Variants in SLC41A3 observed in about 807,000 individuals in gnomAD.
SLC41A3 encodes the protein SLC41A1-like 2.
A neutral mutation model predicts 45.4 loss-of-function variants in SLC41A3; 44 were observed. The ratio of observed to expected loss-of-function variants is 0.97; its 90% CI spans 0.76 to 1.25. The LOEUF is 1.25. Among genes scored for constraint, SLC41A3 ranks in the 50% most tolerant of loss-of-function variants. SLC41A3 has a pLI of 0.00. For missense variants in SLC41A3, 550 were observed against 600.6 expected, an observed-to-expected ratio of 0.92 and a Z score of 0.88; for synonymous variants, 256 against 252.4, an observed-to-expected ratio of 1.01 and a Z score of -0.13.
intron 3 of SLC41A3, among the ~76,000 whole-genome samples, chr3:126,043,363 A>G (rs1942717699): frequency 6.6e-6 from 1 of 152,186 alleles, no homozygotes; most frequent in Non-Finnish European, 1.5e-5. Context: ...GGAGTTCATT[A>G]TTACTAGATC....
rs1324196194 is a variant in SLC41A3, at chr3:126,068,042, C to T, written c.178G>A (p.Glu60Lys). The T allele has an allele frequency of 2.5e-6, 4 of 1,613,790 alleles. No individual in the cohort carries two copies. The highest frequency in any genetic ancestry group is 3.4e-6 in the Non-Finnish European group (4 of 1,179,972). The part of the protein sequence containing the change: ...PKPLETEPSR[E>K]TTWSIGLQVT... ...TGAAGGCCTATGGACCAGGTGGTCTCCCTGCTAGGCTCAGTCTCCAGTGGC... is the reference window on the plus strand; with the variant it reads ...TGAAGGCCTATGGACCAGGTGGTCTTCCTGCTAGGCTCAGTCTCCAGTGGC... The change falls in exon 2 of 11, where the codon GAG (glutamate) becomes AAG (lysine). Residue 60 changes from glutamate to lysine, a missense_variant. Physicochemically the swap from Glu to Lys is moderately conservative, Grantham distance 56. Coordinates refer to ENST00000360370, the MANE Select transcript of SLC41A3 (RefSeq NM_017836.4).
At position 126,061,164 on chromosome 3, in the gene SLC41A3, G is replaced by T. The variant is rs576112559; in HGVS notation, c.273+6783C>A. 4.5e-4 allele frequency among the ~76,000 whole-genome samples: 69 copies of T among 152,320 alleles called. 1 individual carries two copies. In the South Asian group the frequency reaches 4.8e-3, roughly 11 times the overall value. ...TCAGGGTCACCTTGACCCTCGGCAGGTTCTGGGCCAGATGGTCATTCTTAC... is the reference window on the plus strand; with the variant it reads ...TCAGGGTCACCTTGACCCTCGGCAGTTTCTGGGCCAGATGGTCATTCTTAC... On this transcript the variant is annotated intron_variant, in intron 2 of 10. Coordinates refer to ENST00000360370, the MANE Select transcript of SLC41A3 (RefSeq NM_017836.4).
At chr3:126,057,145 CA>C (rs891299678) in intron 2 of SLC41A3, 1 of 985,290 alleles carries the variant, frequency 1.0e-6, no homozygotes, top group Non-Finnish European at 1.2e-6. Flanking sequence ...TCCTCAAGGT[CA>C]AGCAGTCTAT....
chr3:126,046,456 A>G (rs899421390), intron 3 of SLC41A3, among the ~76,000 whole-genome samples: 8 of 152,190 alleles, frequency 5.3e-5, no homozygotes, highest in Non-Finnish European at 1.2e-4. Context: ...GCGTTTCTAT[A>G]CAATAACAAT....
intron 3 of SLC41A3, among the ~76,000 whole-genome samples, chr3:126,036,435 G>A (rs1405224221): frequency 6.6e-6 from 1 of 152,178 alleles, no homozygotes; most frequent in African/African-American, 2.4e-5. Context: ...CTATGGGGCA[G>A]GGGCTGTAAT....
chr3:126,066,999 C>G (rs1365211909), intron 2 of SLC41A3, among the ~76,000 whole-genome samples: 2 of 151,016 alleles, frequency 1.3e-5, no homozygotes, highest in Non-Finnish European at 2.9e-5. Context: ...CAGAGCACAG[C>G]CCCTTAGCTG....
intron 1 of SLC41A3, among the ~76,000 whole-genome samples, chr3:126,083,347 T>C (rs553125885): frequency 4.0e-5 from 6 of 151,788 alleles, no homozygotes; most frequent in Admixed American, 3.3e-4. Context: ...AAAAGCCTTC[T>C]AAAAAAAAGT....
intron 2 of SLC41A3, among the ~76,000 whole-genome samples, chr3:126,064,753 T>C (rs936740146): frequency 6.6e-6 from 1 of 152,164 alleles, no homozygotes; most frequent in African/African-American, 2.4e-5. Flanking sequence ...CCCCCGTTCT[T>C]CCCGGCACAT....
chr3:126,048,091 G>T (rs548138282), intron 3 of SLC41A3, among the ~76,000 whole-genome samples: 70 of 152,194 alleles, frequency 4.6e-4, no homozygotes, highest in Non-Finnish European at 8.2e-4. Flanking sequence ...GTTTTCCAAA[G>T]AAGACATACA....
chr3:126,054,934 T>TG (rs1943563446), intron 2 of SLC41A3, among the ~76,000 whole-genome samples: 4 of 151,948 alleles, frequency 2.6e-5, no homozygotes, highest in Admixed American at 2.6e-4. Context: ...GGCTTTCTAA[T>TG]GGGGGGCTGG....
upstream of SLC41A3, among the ~76,000 whole-genome samples, chr3:126,087,860 A>G (rs906147577): frequency 2.0e-5 from 3 of 152,102 alleles, no homozygotes; most frequent in Admixed American, 6.6e-5. Flanking sequence ...GTCTTTCTAG[A>G]GATGGGTCTT....
At chr3:126,043,865 GA>G (rs1942765813) in intron 3 of SLC41A3, among the ~76,000 whole-genome samples, 1 of 147,136 alleles carries the variant, frequency 6.8e-6, no homozygotes, top group South Asian at 2.2e-4. Context: ...CAATAGGGAA[GA>G]AATAAGAGAC....
chr3:126,053,379 C>A (rs1943463338), intron 2 of SLC41A3, among the ~76,000 whole-genome samples: 1 of 152,176 alleles, frequency 6.6e-6, no homozygotes, highest in Non-Finnish European at 1.5e-5. Flanking sequence ...GCCTCTGGAA[C>A]TGCGGAAAAA....
In SLC41A3 at chr3:126,015,564, T is replaced by C. The variant is rs1940197159; in HGVS notation, c.900A>G (p.Gly300=). The C allele has an allele frequency of 1.2e-6, 2 of 1,614,018 alleles. No individual in the cohort carries two copies. The highest frequency in any genetic ancestry group is 1.7e-5 in the Admixed American group (1 of 59,994). Reference sequence around the variant, plus strand: ...TAGAAACGGTTTTGCTCAAGATGAGTCCTCCGAAACTGGGGAAATAGCAGA... The same window carrying C: ...TAGAAACGGTTTTGCTCAAGATGAGCCCTCCGAAACTGGGGAAATAGCAGA... ...ILAMVISSFG[G]LILSKTVSKQ... is the part of the protein sequence containing the mutation. Residue 300 remains glycine, a synonymous_variant, in exon 8 of 11, where the codon GGA becomes GGG. Coordinates refer to ENST00000360370, the MANE Select transcript of SLC41A3 (RefSeq NM_017836.4).
chr3:126,032,940 G>A (rs543287742), intron 4 of SLC41A3, among the ~76,000 whole-genome samples: 1 of 152,118 alleles, frequency 6.6e-6, no homozygotes, highest in Non-Finnish European at 1.5e-5. Flanking sequence ...CTATGTCCAG[G>A]CCCAGCCTCT....
chr3:126,073,964 C>T (rs1944755107), intron 1 of SLC41A3, among the ~76,000 whole-genome samples: 1 of 152,068 alleles, frequency 6.6e-6, no homozygotes, highest in African/African-American at 2.4e-5. Flanking sequence ...ACTCAAGCCA[C>T]TAGTACATAC....
chr3:126,095,046 A>G (rs1436023418), intron 1 of SLC41A3: 2 of 445,148 alleles, frequency 4.5e-6, no homozygotes, highest in African/African-American at 2.0e-5. Context: ...GCCAGATGTT[A>G]TCAGTAGCTG....
intron 4 of SLC41A3, among the ~76,000 whole-genome samples, chr3:126,031,961 C>G (rs553431561): frequency 5.9e-5 from 9 of 152,340 alleles, no homozygotes; most frequent in African/African-American, 1.7e-4. Flanking sequence ...ATCAGGGCAG[C>G]CGCAGCAGCA....
chr3:126,039,248 A>G (rs561675239), intron 3 of SLC41A3, among the ~76,000 whole-genome samples: 1 of 152,366 alleles, frequency 6.6e-6, no homozygotes, highest in African/African-American at 2.4e-5. Flanking sequence ...TACAACACTA[A>G]TAACTAAACT....
Sources: gnomAD v4.1 joint callset for allele counts (sites outside exome capture counted in the v4.1 genomes callset) on GRCh38, gnomAD v4.1.1 for gene constraint, MANE v1.5 for transcripts, NCBI Gene and HGNC (gene_info 2026-07-23, HGNC 2026-07-21) for gene names.